Variants in CSTPP1 observed in about 807,000 individuals in gnomAD.
The protein encoded by CSTPP1 is UPF0705 protein C11orf49.
chr11:47,059,963 G>T, the CSTPP1 span, among the ~76,000 whole-genome samples: 2,426 of 151,992 alleles, frequency 0.016, 68 homozygotes, highest in African/African-American at 0.056. Flanking sequence ...AATTAGCTGG[G>T]TGTGGTGGTG....
chr11:47,121,714 T>C, the CSTPP1 span, among the ~76,000 whole-genome samples: 1 of 152,092 alleles, frequency 6.6e-6, no homozygotes, highest in African/African-American at 2.4e-5. Context: ...CCTTCCGCTC[T>C]GCCACACTGT....
chr11:47,112,190 G>C, the CSTPP1 span, among the ~76,000 whole-genome samples: 6 of 152,152 alleles, frequency 3.9e-5, no homozygotes, highest in Non-Finnish European at 7.3e-5. Flanking sequence ...GACCACTCTA[G>C]AGAGAATTGA....
At chr11:47,111,082 C>T in the CSTPP1 span, among the ~76,000 whole-genome samples, 2 of 151,788 alleles carry the variant, frequency 1.3e-5, no homozygotes, top group Non-Finnish European at 2.9e-5. Context: ...TTAGTAGAGA[C>T]GGGGTTTTAC....
chr11:47,040,057 T>A, the CSTPP1 span, among the ~76,000 whole-genome samples: 1 of 128,538 alleles, frequency 7.8e-6, no homozygotes, highest in African/African-American at 2.5e-5. Flanking sequence ...AAGGCTAACT[T>A]TATAGTGGCA....
At chr11:47,143,091 G>A in the CSTPP1 span, among the ~76,000 whole-genome samples, 3 of 152,204 alleles carry the variant, frequency 2.0e-5, no homozygotes, top group Non-Finnish European at 2.9e-5. Context: ...TTTTCTCCCC[G>A]AGTATGAGCA....
chr11:47,155,573 A>C, the CSTPP1 span: 1 of 427,332 alleles, frequency 2.3e-6, no homozygotes. Context: ...TTCACTGCTT[A>C]CTGAAAACTT....
chr11:47,001,527 T>C, the CSTPP1 span, among the ~76,000 whole-genome samples: 1 of 152,170 alleles, frequency 6.6e-6, no homozygotes, highest in Non-Finnish European at 1.5e-5. Context: ...TTCTTTTTTC[T>C]TTTCTTTTAC....
At chr11:47,052,605 C>T in the CSTPP1 span, 58 of 1,466,054 alleles carry the variant, frequency 4.0e-5, no homozygotes, top group Non-Finnish European at 4.7e-5. Flanking sequence ...TTCTTTCTCT[C>T]TCTCTTTTCC....
At chr11:47,014,381 AAAAG>A in the CSTPP1 span, among the ~76,000 whole-genome samples, 6 of 101,028 alleles carry the variant, frequency 5.9e-5, no homozygotes, top group African/African-American at 1.5e-4. Context: ...AAAAGAAAGA[AAAAG>A]AAAAAAAAAA....
At chr11:47,070,678 C>T in the CSTPP1 span, among the ~76,000 whole-genome samples, 1 of 152,146 alleles carries the variant, frequency 6.6e-6, no homozygotes, top group Non-Finnish European at 1.5e-5. Flanking sequence ...GGGACCCAGG[C>T]ATTTTAAATG....
chr11:47,071,647 T>C, the CSTPP1 span, among the ~76,000 whole-genome samples: 16 of 152,106 alleles, frequency 1.1e-4, no homozygotes, highest in Non-Finnish European at 2.2e-4. Flanking sequence ...GGGTCGTGCT[T>C]ACTTATATAG....
At chr11:47,073,726 A>G in the CSTPP1 span, among the ~76,000 whole-genome samples, 2 of 152,180 alleles carry the variant, frequency 1.3e-5, no homozygotes, top group African/African-American at 4.8e-5. Flanking sequence ...ATGATTTGTG[A>G]TGGAGAAGTT....
At chr11:47,028,723 G>T in the CSTPP1 span, among the ~76,000 whole-genome samples, 4 of 152,186 alleles carry the variant, frequency 2.6e-5, no homozygotes, top group African/African-American at 9.7e-5. Flanking sequence ...TAGGCAATGG[G>T]AAGAAAACAT....
At chr11:46,954,270 T>A in the CSTPP1 span, among the ~76,000 whole-genome samples, 1 of 152,170 alleles carries the variant, frequency 6.6e-6, no homozygotes, top group Non-Finnish European at 1.5e-5. Context: ...AGGATTCGGC[T>A]GGATGCAGTA....
At chr11:47,149,451 G>C in the CSTPP1 span, among the ~76,000 whole-genome samples, 3 of 152,166 alleles carry the variant, frequency 2.0e-5, no homozygotes, top group Non-Finnish European at 2.9e-5. Context: ...ATTCTTTCCC[G>C]AGCCCTCTGG....
chr11:47,114,716 T>C, the CSTPP1 span, among the ~76,000 whole-genome samples: 1 of 152,238 alleles, frequency 6.6e-6, no homozygotes, highest in African/African-American at 2.4e-5. Flanking sequence ...GCTGATCAGC[T>C]TAAAGAGATT....
chr11:47,097,276 G>A, the CSTPP1 span, among the ~76,000 whole-genome samples: 2,702 of 99,548 alleles, frequency 0.027, 12 homozygotes, highest in East Asian at 0.19. Flanking sequence ...GGAGGGAGGT[G>A]GGGGGGTCAG....
At chr11:47,142,102 G>A in the CSTPP1 span, among the ~76,000 whole-genome samples, 4 of 151,782 alleles carry the variant, frequency 2.6e-5, no homozygotes. Flanking sequence ...AATTAGCTGG[G>A]CGTGGTGATG....
At chr11:47,157,371 T>A in the CSTPP1 span, among the ~76,000 whole-genome samples, 1 of 152,176 alleles carries the variant, frequency 6.6e-6, no homozygotes, top group Admixed American at 6.5e-5. Context: ...CCCAAACCAG[T>A]TGTTGACTGA....
Sources: allele counts gnomAD v4.1 joint callset (sites outside exome capture counted in the v4.1 genomes callset), GRCh38; gene constraint gnomAD v4.1.1; transcripts MANE v1.5; gene names NCBI Gene and HGNC (gene_info 2026-07-23, HGNC 2026-07-21).